STAMBP: variants seen among roughly 807,000 people sequenced by gnomAD.
STAMBP encodes STAM binding protein.
Under a neutral mutation model 50.7 loss-of-function variants are expected in STAMBP, and 31 were observed. The ratio of observed to expected loss-of-function variants is 0.61; its 90% confidence interval spans 0.46 to 0.83. The LOEUF (loss-of-function observed/expected upper bound fraction) is 0.83. Among genes scored for constraint, STAMBP ranks in the 40% least tolerant of loss-of-function variants. The probability of loss-of-function intolerance (pLI) is 0.00; values close to 1 mark genes in which losing one functional copy is unlikely to be tolerated. For synonymous variants in STAMBP, 211 were observed against 192.4 expected, an observed-to-expected ratio of 1.10 and a Z score of -0.80; for missense variants, 472 against 518.9, an observed-to-expected ratio of 0.91 and a Z score of 0.88.
chr2:73,830,036 C>A (rs1179874489), intron 1 of STAMBP, among the ~76,000 whole-genome samples: 2 of 152,150 alleles, frequency 1.3e-5, no homozygotes, highest in Admixed American at 1.3e-4. Flanking sequence ...GTGGTGATAT[C>A]TGGTTGGAAT....
At chr2:73,843,705 A>G (rs1017581853) in intron 2 of STAMBP, among the ~76,000 whole-genome samples, 2 of 152,152 alleles carry the variant, frequency 1.3e-5, no homozygotes, top group Non-Finnish European at 2.9e-5. Flanking sequence ...GAACTGAAGG[A>G]TGAGGACTTA....
chr2:73,867,996 C>T (rs931416111), downstream of STAMBP, among the ~76,000 whole-genome samples: 1 of 151,460 alleles, frequency 6.6e-6, no homozygotes, highest in South Asian at 2.1e-4. Flanking sequence ...TGGTGGCACA[C>T]GCCTGTAATC....
At chr2:73,841,052 G>A (rs1344194538) in intron 2 of STAMBP, among the ~76,000 whole-genome samples, 2 of 152,062 alleles carry the variant, frequency 1.3e-5, no homozygotes, top group African/African-American at 4.8e-5. Context: ...CAGCATTATT[G>A]CATATATTCA....
intron 9 of STAMBP, chr2:73,860,475 A>G: frequency 1.4e-6 from 1 of 737,172 alleles, no homozygotes; most frequent in Non-Finnish European, 1.7e-6. Context: ...GGAAGTACGT[A>G]ATGCAGTTGC....
chr2:73,860,145 G>C lies in STAMBP; in HGVS notation c.1212G>C (p.Leu404=), dbSNP rs376607932. 2 of 1,613,332 alleles carry C rather than the reference G, an allele frequency of 1.2e-6. No individual in the cohort carries two copies. Among genetic ancestry groups the C allele is most frequent in the African/African-American group, 2.7e-5 (2 of 74,994 alleles). ...GFHPHSKDPP[L]FCSCSHVTVV... ...ATCCACACAGCAAGGATCCACCTCTGTTCTGTGTACGTATCTATGTAAAAG... is the reference window on the plus strand; with the variant it reads ...ATCCACACAGCAAGGATCCACCTCTCTTCTGTGTACGTATCTATGTAAAAG... Residue 404 remains leucine, a synonymous_variant, in exon 9 of 10, where the codon CTG becomes CTC. Coordinates refer to ENST00000394070, the MANE Select transcript of STAMBP (RefSeq NM_213622.4).
chr2:73,832,219 CCAGGG>C (rs1436888546), intron 2 of STAMBP, among the ~76,000 whole-genome samples: 1 of 151,326 alleles, frequency 6.6e-6, no homozygotes, highest in Non-Finnish European at 1.5e-5. Flanking sequence ...CTTTGGGAGG[CCAGGG>C]CAGGCGGATC....
At chr2:73,835,328 T>C (rs1057442203) in intron 2 of STAMBP, among the ~76,000 whole-genome samples, 4 of 138,318 alleles carry the variant, frequency 2.9e-5, no homozygotes, top group Non-Finnish European at 6.1e-5. Flanking sequence ...CACTCCAGCC[T>C]GGGTGATAGA....
chr2:73,838,903 C>G (rs1675038985), intron 2 of STAMBP, among the ~76,000 whole-genome samples: 1 of 152,194 alleles, frequency 6.6e-6, no homozygotes. Flanking sequence ...GATTCTGATT[C>G]TGTGAACAGA....
At chr2:73,838,961 G>C (rs575196096) in intron 2 of STAMBP, among the ~76,000 whole-genome samples, 122 of 152,278 alleles carry the variant, frequency 8.0e-4, no homozygotes, top group African/African-American at 2.8e-3. Context: ...TTCTCAGTCT[G>C]TTTTCTGTTG....
Position 73,847,503 on chromosome 2 carries a change from C to G in STAMBP, c.492C>G (p.Ala164=). ...QQQLEQEQFH[A]FEEMIRNQEL... is the part of the protein sequence containing the mutation. ...AATTGGAACAGGAACAGTTCCATGCCTTCGAGGAGATGATCCGGAACCAGG... is the reference window on the plus strand; with the variant it reads ...AATTGGAACAGGAACAGTTCCATGCGTTCGAGGAGATGATCCGGAACCAGG... Residue 164 remains alanine (A), a synonymous_variant, in exon 5 of 10, where the codon GCC becomes GCG. Coordinates refer to ENST00000394070, the MANE Select transcript of STAMBP (RefSeq NM_213622.4). 5 of 1,614,122 alleles carry G rather than the reference C, an allele frequency of 3.1e-6. No individual in the cohort carries two copies. The highest frequency in any genetic ancestry group is 4.2e-6 in the Non-Finnish European group (5 of 1,180,028).
chr2:73,853,494 C>T (rs940104672), intron 7 of STAMBP, among the ~76,000 whole-genome samples: 12 of 152,128 alleles, frequency 7.9e-5, no homozygotes, highest in African/African-American at 2.7e-4. Context: ...GAGACCAAGG[C>T]GGGCAGATCA....
intron 2 of STAMBP, among the ~76,000 whole-genome samples, chr2:73,832,106 T>C (rs551275856): frequency 2.1e-4 from 27 of 127,948 alleles, no homozygotes; most frequent in African/African-American, 7.0e-4. Flanking sequence ...TATATATATA[T>C]ATACACATAT....
rs925111288 is a variant in STAMBP, at chr2:73,844,678, G to A, written c.204-135G>A. On this transcript the variant is annotated intron_variant, in intron 2 of 9. Transcript: ENST00000394070. Reference sequence around the variant, plus strand: ...TGGGAAAGGAGCATGGCCCAGCTGGGTGTATTAGCTCTCCCTCCGCTGCAC... The same window carrying A: ...TGGGAAAGGAGCATGGCCCAGCTGGATGTATTAGCTCTCCCTCCGCTGCAC... 4.7e-6 allele frequency: 3 copies of A among 640,142 alleles called. No individual in the cohort carries two copies. In the African/African-American group the frequency reaches 5.6e-5, roughly 12 times the overall value. 39.7% of individuals were successfully genotyped at this position (640,142 alleles called of 1,614,324 possible).
intron 8 of STAMBP, among the ~76,000 whole-genome samples, chr2:73,859,694 AAAT>A (rs1446968884): frequency 2.1e-5 from 3 of 141,258 alleles, no homozygotes; most frequent in Admixed American, 1.4e-4. Flanking sequence ...AAAAAATAAA[AAAT>A]AAAAAATAAA....
intron 8 of STAMBP, 100 bp from the exon 9 acceptor site, chr2:73,859,952 C>A: frequency 1.3e-6 from 1 of 792,690 alleles, no homozygotes; most frequent in Non-Finnish European, 2.2e-6. Context: ...GACCTCTGCC[C>A]TGCTGTGTGA....
chr2:73,842,239 C>T (rs1034619307), intron 2 of STAMBP, among the ~76,000 whole-genome samples: 4 of 152,192 alleles, frequency 2.6e-5, no homozygotes, highest in Admixed American at 2.6e-4. Flanking sequence ...AAATCCATTC[C>T]TGCCTGGGGC....
At chr2:73,844,384 A>G (rs560000042) in intron 2 of STAMBP, among the ~76,000 whole-genome samples, 9 of 152,366 alleles carry the variant, frequency 5.9e-5, no homozygotes, top group African/African-American at 2.2e-4. Context: ...CATAAGAGCT[A>G]GAAGGAGTAA....
chr2:73,860,370 C>A (rs934383565), intron 9 of STAMBP, among the ~76,000 whole-genome samples: 1 of 152,174 alleles, frequency 6.6e-6, no homozygotes, highest in East Asian at 1.9e-4. Flanking sequence ...GGCTACTTAC[C>A]GTTCCTGGGC....
chr2:73,873,607 C>T (rs915114679), exon 11 of STAMBP: 8 of 152,228 alleles, frequency 5.3e-5, no homozygotes, highest in African/African-American at 1.9e-4. Flanking sequence ...TGTACAAACA[C>T]AAACCATTCC....
Sources: allele counts gnomAD v4.1 joint callset (sites outside exome capture counted in the v4.1 genomes callset), GRCh38; gene constraint gnomAD v4.1.1; transcripts MANE v1.5; gene names NCBI Gene and HGNC (gene_info 2026-07-23, HGNC 2026-07-21).